Variants in ZMYM5 observed in about 807,000 individuals in gnomAD.
ZMYM5 encodes the protein zinc finger MYM-type containing 5.
A neutral mutation model predicts 61.8 loss-of-function variants in ZMYM5; 41 were observed. That is an observed-to-expected ratio of 0.66 (90% CI 0.52 to 0.86). The LOEUF (loss-of-function observed/expected upper bound fraction) is 0.86, where lower values mean the gene tolerates loss of function less well. ZMYM5 is among the 40% of genes least tolerant of loss of function. The probability of loss-of-function intolerance (pLI) is 0.00; values close to 1 mark genes in which losing one functional copy is unlikely to be tolerated. For synonymous variants in ZMYM5, 257 were observed against 276.4 expected (o/e 0.93, Z 0.70); for missense variants, 706 against 786.7 (o/e 0.90, Z 1.23).
chr13:19,852,406 T>G (rs1953347739), intron 2 of ZMYM5, among the ~76,000 whole-genome samples: 1 of 152,198 alleles, frequency 6.6e-6, no homozygotes, highest in Non-Finnish European at 1.5e-5. Flanking sequence ...AATCAATTTA[T>G]AGTACTCACT....
rs1264794371 is a variant in ZMYM5 at position 19,835,527 on chromosome 13, C to G, written c.1201G>C (p.Gly401Arg). 1 of 1,367,634 alleles carries G rather than the reference C, an allele frequency of 7.3e-7. No individual in the cohort carries two copies. The highest frequency in any genetic ancestry group is 1.5e-5 in the African/African-American group (1 of 67,854). 84.7% of individuals were successfully genotyped at this position (1,367,634 alleles called of 1,614,324 possible). Residue 401 changes from glycine to arginine, a missense_variant, in exon 7 of 8, where the codon GGT (glycine) becomes CGT (arginine). Coordinates refer to ENST00000337963, the MANE Select transcript of ZMYM5 (RefSeq NM_001142684.2). ...TGGCAGCAAAATCTCTTCTGCTGAC[C>G]TCCAATCACCAGGATGTTGTTTCCA... is the stretch of plus-strand genomic sequence containing the variant. The part of the protein sequence containing the change: ...STGNNILVIG[G>R]QQKRFCCQSC...
At chr13:19,829,286 TA>T (rs750877625) in intron 7 of ZMYM5, among the ~76,000 whole-genome samples, 4 of 151,862 alleles carry the variant, frequency 2.6e-5, no homozygotes, top group African/African-American at 7.3e-5. Flanking sequence ...TATATACCAT[TA>T]AAAAAAATAA....
chr13:19,855,338 C>T (rs1366134812), intron 2 of ZMYM5, among the ~76,000 whole-genome samples: 1 of 151,972 alleles, frequency 6.6e-6, no homozygotes, highest in Non-Finnish European at 1.5e-5. Flanking sequence ...TCTAGGCTTA[C>T]TGCAAGCTCC....
intron 2 of ZMYM5, 121 bp from the exon 3 acceptor site, chr13:19,852,311 G>A: frequency 1.9e-6 from 2 of 1,065,092 alleles, no homozygotes; most frequent in Non-Finnish European, 2.6e-6. Context: ...TATCCATTTT[G>A]TTTTTCCTCT....
intron 2 of ZMYM5, among the ~76,000 whole-genome samples, chr13:19,860,472 A>ATT (rs746530825): frequency 7.6e-5 from 9 of 118,188 alleles, no homozygotes; most frequent in African/African-American, 1.6e-4. Context: ...GTGTGTGTGT[A>ATT]TTTTTTTTTT....
chr13:19,844,410 T>G (rs896733904), intron 4 of ZMYM5, among the ~76,000 whole-genome samples: 2 of 152,192 alleles, frequency 1.3e-5, no homozygotes, highest in African/African-American at 4.8e-5. Context: ...ACCTAGAGAT[T>G]GCAAGAGTTC....
intron 4 of ZMYM5, among the ~76,000 whole-genome samples, chr13:19,842,800 A>AGG (rs1345073734): frequency 2.0e-5 from 3 of 151,666 alleles, no homozygotes; most frequent in Non-Finnish European, 4.4e-5. Context: ...TCTCTACTAA[A>AGG]AGTACAAAAA....
In ZMYM5 at chr13:19,837,785, T is replaced by C. The variant is rs750041440; in HGVS notation, c.909A>G (p.Pro303=). ...CTTGGAAGGATTTGCTTGATTCTAC[T>C]GGAAGAATGACATTAGCCTTCTTTG... ...ASTKKANVIL[P]VESSKSFQEF... is the part of the protein sequence containing the mutation. The change falls in exon 6 of 8, where the codon CCA becomes CCG. Residue 303 remains proline (P), a synonymous_variant. Transcript: ENST00000337963. 6.3e-7 allele frequency: 1 copy of C among 1,593,946 alleles called. No homozygotes were observed. Among genetic ancestry groups the C allele is most frequent in the Non-Finnish European group, 8.5e-7 (1 of 1,175,720 alleles).
In ZMYM5 at chr13:19,824,428, T is replaced by G; in HGVS notation, c.*49A>C. The G allele has an allele frequency of 8.0e-7, 1 of 1,255,398 alleles. No individual in the cohort carries two copies. The allele number at this position is 1,255,398 out of a possible 1,614,324, so 77.8% of individuals were successfully genotyped here. On this transcript the variant is annotated 3_prime_UTR_variant, in exon 8 of 8. Transcript: ENST00000337963. ...TGACTATTGCAGGACAGATGTTTTCTGAGTAATGTAAGATTCTGATCATCA... is the reference window on the plus strand; with the variant it reads ...TGACTATTGCAGGACAGATGTTTTCGGAGTAATGTAAGATTCTGATCATCA...
At chr13:19,859,163 T>A (rs1953628798) in intron 2 of ZMYM5, among the ~76,000 whole-genome samples, 2 of 152,064 alleles carry the variant, frequency 1.3e-5, no homozygotes, top group African/African-American at 4.8e-5. Flanking sequence ...TCCTACTTGA[T>A]TCCCAGAGAG....
At position 19,839,000 on chromosome 13, in the gene ZMYM5, A is replaced by G. The variant is rs200144114; in HGVS notation, c.587-15T>C. 209 of 1,594,438 alleles carry G rather than the reference A, an allele frequency of 1.3e-4. No individual in the cohort carries two copies. Among genetic ancestry groups the G allele is most frequent in the Admixed American group, 7.2e-5 (4 of 55,294 alleles). On this transcript the variant is annotated splice_polypyrimidine_tract_variant and intron_variant, in intron 4 of 7. Coordinates refer to ENST00000337963, the MANE Select transcript of ZMYM5 (RefSeq NM_001142684.2). ...GATCCAAGAATCTTAAAAATGAAAC[A>G]AGAAAAAAATCATGGAACAAATCAA...
chr13:19,841,647 C>G (rs2138549651), intron 4 of ZMYM5, among the ~76,000 whole-genome samples: 1 of 150,914 alleles, frequency 6.6e-6, no homozygotes, highest in Non-Finnish European at 1.5e-5. Context: ...AACAAAAATA[C>G]AAAAGATGTA....
intron 2 of ZMYM5, among the ~76,000 whole-genome samples, chr13:19,856,038 A>T (rs1318419414): frequency 1.3e-5 from 2 of 151,962 alleles, no homozygotes; most frequent in Non-Finnish European, 2.9e-5. Flanking sequence ...AAAAAACAAA[A>T]AACAAACAAA....
chr13:19,859,386 C>T (rs1953639198), intron 2 of ZMYM5, among the ~76,000 whole-genome samples: 1 of 151,982 alleles, frequency 6.6e-6, no homozygotes, highest in Non-Finnish European at 1.5e-5. Flanking sequence ...TTTTTAGTTC[C>T]CGTTTTTTGT....
At chr13:19,849,217 A>T (rs1378986449) in intron 4 of ZMYM5, among the ~76,000 whole-genome samples, 2 of 152,268 alleles carry the variant, frequency 1.3e-5, no homozygotes, top group East Asian at 3.9e-4. Context: ...CCCAAACTCC[A>T]GGTCTCAACT....
At chr13:19,826,030 A>G (rs1239499988) in intron 7 of ZMYM5, among the ~76,000 whole-genome samples, 3 of 137,532 alleles carry the variant, frequency 2.2e-5, no homozygotes, top group Admixed American at 7.9e-5. Context: ...TGGGCAACAG[A>G]GCAAGACTCC....
Position 19,856,046 on chromosome 13 carries a change from AAAC to A in ZMYM5, c.-10-3859_-10-3857del, listed in dbSNP as rs977316356. On this transcript the variant is annotated intron_variant, in intron 2 of 7. Transcript: ENST00000337963. ...AACAAAAAAAAAACAAAAAACAAAC[AAAC>A]AACAACAACAACAAAACTACTAAAA... Among the ~76,000 whole-genome samples, 36 of 152,034 alleles carry A rather than the reference AAAC, an allele frequency of 2.4e-4. 1 individual carries two copies. The highest frequency in any genetic ancestry group is 6.5e-4 in the African/African-American group (27 of 41,516).
intron 4 of ZMYM5, among the ~76,000 whole-genome samples, chr13:19,849,654 G>A (rs746512472): frequency 1.1e-4 from 17 of 151,862 alleles, no homozygotes; most frequent in Admixed American, 3.3e-4. Context: ...ATAGTATTTC[G>A]TAACCAGAAG....
intron 2 of ZMYM5, among the ~76,000 whole-genome samples, chr13:19,861,023 C>T (rs1250063419): frequency 6.6e-6 from 1 of 151,226 alleles, no homozygotes; most frequent in Non-Finnish European, 1.5e-5. Context: ...GCTCTGTCGC[C>T]CAGCCTGGAA....
Sources: allele counts gnomAD v4.1 joint callset (sites outside exome capture counted in the v4.1 genomes callset), GRCh38; gene constraint gnomAD v4.1.1; transcripts MANE v1.5; gene names NCBI Gene and HGNC (gene_info 2026-07-23, HGNC 2026-07-21).